The following CDKL3 variants were observed in gnomAD, a reference collection of about 807,000 sequenced individuals.
CDKL3 encodes cyclin dependent kinase like 3.
In CDKL3, 65 loss-of-function variants were observed where a neutral mutation model predicts 69.3. That is an observed-to-expected ratio of 0.94 (90% CI 0.77 to 1.15). The LOEUF (loss-of-function observed/expected upper bound fraction) is 1.15, where lower values mean the gene tolerates loss of function less well. CDKL3 is among the 50% of genes most tolerant of loss of function. The pLI is 0.00. For missense variants in CDKL3, 652 were observed against 689.2 expected, an observed-to-expected ratio of 0.95 and a Z score of 0.61; for synonymous variants, 202 against 221.6, an observed-to-expected ratio of 0.91 and a Z score of 0.79.
At chr5:134,370,014 G>C (rs138587096), upstream of CDKL3, among the ~76,000 whole-genome samples, 134 of 152,260 alleles carry the variant, frequency 8.8e-4, no homozygotes, top group African/African-American at 2.6e-3. Flanking sequence ...ATGTCTAACA[G>C]GACCTATCAA....
chr5:134,342,819 C>G (rs1750847643), intron 4 of CDKL3, among the ~76,000 whole-genome samples: 1 of 152,040 alleles, frequency 6.6e-6, no homozygotes, highest in Non-Finnish European at 1.5e-5. Flanking sequence ...TTGGAAGGGA[C>G]CTAGAATAGC....
At chr5:134,366,733 T>C (rs1757531722) in intron 1 of CDKL3, among the ~76,000 whole-genome samples, 189 bp from the exon 2 acceptor site, 1 of 151,888 alleles carries the variant, frequency 6.6e-6, no homozygotes, top group South Asian at 2.1e-4. Context: ...AAGGTGTCCT[T>C]CTGAGGCTCC....
At chr5:134,335,932 A>G (rs1309870022) in intron 4 of CDKL3, among the ~76,000 whole-genome samples, 1 of 152,098 alleles carries the variant, frequency 6.6e-6, no homozygotes, top group Non-Finnish European at 1.5e-5. Flanking sequence ...ACTTGGTTCC[A>G]TTCTCCCTGT....
chr5:134,298,289 G>A, downstream of CDKL3: 1 of 1,006,588 alleles, frequency 9.9e-7, no homozygotes, highest in South Asian at 4.6e-5. Flanking sequence ...CATTTAAAGA[G>A]GCCTGTGTGT....
Position 134,310,139 on chromosome 5 carries a change from C to T in CDKL3, c.882-1412G>A, listed in dbSNP as rs576088593. 4.0e-4 allele frequency among the ~76,000 whole-genome samples: 60 copies of T among 151,406 alleles called. 1 individual carries two copies. The highest frequency in any genetic ancestry group is 1.4e-3 in the African/African-American group (58 of 41,250). On this transcript the variant is annotated intron_variant, in intron 7 of 12. Transcript: ENST00000265334. ...AGCTACCATGCCCAGCCAATAACTG[C>T]CACTTTTTATCAATGGCACTTCATT...
chr5:134,308,684 C>A lies in CDKL3; in HGVS notation c.925G>T (p.Val309Phe), dbSNP rs1554081098. The change falls in exon 8 of 13, where the codon GTC becomes TTC. Residue 309 changes from valine (V) to phenylalanine (F), a missense_variant. Transcript: ENST00000265334. Reference sequence around the variant, plus strand: ...TCTTTTGGCTTTATTAATGAATTGACTTTTGCTTCCTGCAGTAATTTAGCT... The same window carrying A: ...TCTTTTGGCTTTATTAATGAATTGAATTTTGCTTCCTGCAGTAATTTAGCT... Reference protein sequence around the residue: ...LKAKLLQEAKVNSLIKPKESS... With the variant: ...LKAKLLQEAKFNSLIKPKESS... 3 of 1,603,152 alleles carry A rather than the reference C, an allele frequency of 1.9e-6. No homozygotes were observed. Among genetic ancestry groups the A allele is most frequent in the Non-Finnish European group, 2.5e-6 (3 of 1,177,438 alleles).
chr5:134,289,423 T>C (rs1315910643), intron 8 of CDKL3, among the ~76,000 whole-genome samples: 1 of 152,128 alleles, frequency 6.6e-6, no homozygotes, highest in African/African-American at 2.4e-5. Flanking sequence ...AATAATACTG[T>C]TCAATGTAAT....
intron 4 of CDKL3, among the ~76,000 whole-genome samples, chr5:134,322,741 G>A (rs1773115104): frequency 6.6e-6 from 1 of 152,146 alleles, no homozygotes; most frequent in Non-Finnish European, 1.5e-5. Context: ...CAGCACTTTG[G>A]GAGGCCAAGG....
chr5:134,327,265 C>T (rs1471537706), intron 4 of CDKL3, among the ~76,000 whole-genome samples: 1 of 152,142 alleles, frequency 6.6e-6, no homozygotes, highest in Non-Finnish European at 1.5e-5. Context: ...TTGCCTCACC[C>T]ATAAGGCAGA....
At position 134,331,211 on chromosome 5, in the gene CDKL3, G is replaced by T. The variant is rs151017338; in HGVS notation, c.540-9308C>A. Among the ~76,000 whole-genome samples, 715 of 152,262 alleles carry T rather than the reference G, an allele frequency of 4.7e-3. 1 individual carries two copies. The highest frequency in any genetic ancestry group is 6.5e-3 in the Non-Finnish European group (441 of 68,018). On this transcript the variant is annotated intron_variant, in intron 4 of 12. Coordinates refer to ENST00000265334, the MANE Select transcript of CDKL3 (RefSeq NM_001113575.2). ...CAATCGTCCCCTTCAATTAGGGCATGAACAAGATAAATGTTTTCCTCACAA... is the reference window on the plus strand; with the variant it reads ...CAATCGTCCCCTTCAATTAGGGCATTAACAAGATAAATGTTTTCCTCACAA...
At chr5:134,290,378 A>AG (rs1348024002) in intron 8 of CDKL3, among the ~76,000 whole-genome samples, 1 of 149,080 alleles carries the variant, frequency 6.7e-6, no homozygotes, top group Non-Finnish European at 1.5e-5. Flanking sequence ...AAAAAAAAAA[A>AG]GGGTTTGTCT....
intron 6 of CDKL3, among the ~76,000 whole-genome samples, chr5:134,317,025 G>A (rs1771268279): frequency 6.6e-6 from 1 of 151,746 alleles, no homozygotes; most frequent in African/African-American, 2.4e-5. Flanking sequence ...TTAAGTTGGT[G>A]CAAAAGTAAT....
intron 4 of CDKL3, among the ~76,000 whole-genome samples, chr5:134,327,707 C>T (rs1201466583): frequency 1.3e-5 from 2 of 152,210 alleles, no homozygotes; most frequent in Non-Finnish European, 2.9e-5. Context: ...ACAGAAACTA[C>T]TCCTTCAAAG....
At chr5:134,363,199 TTA>T (rs1249931613) in intron 2 of CDKL3, among the ~76,000 whole-genome samples, 1 of 152,214 alleles carries the variant, frequency 6.6e-6, no homozygotes, top group Non-Finnish European at 1.5e-5. Flanking sequence ...ATCTATAGTA[TTA>T]TGTTTTAGGT....
chr5:134,290,325 A>G (rs1366831390), intron 8 of CDKL3, among the ~76,000 whole-genome samples: 2 of 146,844 alleles, frequency 1.4e-5, no homozygotes, highest in African/African-American at 2.5e-5. Context: ...ACTGTACTAC[A>G]GACTGGTGAC....
At chr5:134,353,165 A>C (rs1174678232) in intron 3 of CDKL3, among the ~76,000 whole-genome samples, 2 of 152,232 alleles carry the variant, frequency 1.3e-5, no homozygotes, top group Non-Finnish European at 2.9e-5. Flanking sequence ...TTCTACGTCT[A>C]ACAGATATTT....
intron 10 of CDKL3, among the ~76,000 whole-genome samples, chr5:134,306,266 G>A (rs1276584590): frequency 6.6e-5 from 10 of 152,102 alleles, no homozygotes; most frequent in Admixed American, 4.6e-4. Flanking sequence ...AAGCTGAGGC[G>A]GAAGGATCCC....
chr5:134,353,254 T>TA (rs1263141957), intron 3 of CDKL3, among the ~76,000 whole-genome samples: 1 of 152,156 alleles, frequency 6.6e-6, no homozygotes, highest in Non-Finnish European at 1.5e-5. Flanking sequence ...TCAGCAAATC[T>TA]AAAACTAAAA....
intron 4 of CDKL3, among the ~76,000 whole-genome samples, chr5:134,325,717 C>G (rs75256254): frequency 6.6e-6 from 1 of 151,630 alleles, no homozygotes; most frequent in Non-Finnish European, 1.5e-5. Context: ...TGACCTTTTG[C>G]ATTTAAAAAA....
Sources: allele counts gnomAD v4.1 joint callset (sites outside exome capture counted in the v4.1 genomes callset), GRCh38; gene constraint gnomAD v4.1.1; transcripts MANE v1.5; gene names NCBI Gene and HGNC (gene_info 2026-07-23, HGNC 2026-07-21).